ROBO1: variants seen among roughly 807,000 people sequenced by gnomAD.
ROBO1 encodes the protein roundabout homolog 1.
ROBO1 carries 149 observed loss-of-function variants against 195.9 expected under a neutral mutation model. The observed-to-expected ratio is 0.76, with a 90% confidence interval of 0.67 to 0.87. ROBO1 has a LOEUF of 0.87. ROBO1 is among the 40% of genes least tolerant of loss of function. ROBO1 has a pLI of 0.00. For synonymous variants in ROBO1, 816 were observed against 733.2 expected (o/e 1.11, Z -1.82); for missense variants, 1,933 against 2,068.3 (o/e 0.93, Z 1.27).
At chr3:79,597,685 T>C (rs1944221158) in intron 1 of ROBO1, among the ~76,000 whole-genome samples, 1 of 152,070 alleles carries the variant, frequency 6.6e-6, no homozygotes. Flanking sequence ...CTTTCTGACT[T>C]CACTTATATA....
At chr3:79,683,876 T>C (rs1485852154) in intron 1 of ROBO1, among the ~76,000 whole-genome samples, 1 of 152,164 alleles carries the variant, frequency 6.6e-6, no homozygotes, top group Non-Finnish European at 1.5e-5. Context: ...TTATTTCTAA[T>C]ATATTTTAAT....
At chr3:78,718,350 ATAACT>A (rs2081954388) in intron 5 of ROBO1, among the ~76,000 whole-genome samples, 2 of 152,184 alleles carry the variant, frequency 1.3e-5, no homozygotes, top group African/African-American at 2.4e-5. Flanking sequence ...AATGTCTCTA[ATAACT>A]TAATTTGCCA....
In ROBO1 at chr3:79,628,693, G is replaced by A. The variant is rs7628874; in HGVS notation, c.-50-38732C>T. ...AATGGCCTAAATGCTCCACTTAAAAGATATAAACTGGCCAATGGAATTAAA... is the reference window on the plus strand; with the variant it reads ...AATGGCCTAAATGCTCCACTTAAAAAATATAAACTGGCCAATGGAATTAAA... On this transcript the variant is annotated intron_variant, in intron 1 of 30. Coordinates refer to ENST00000464233, the MANE Select transcript of ROBO1 (RefSeq NM_002941.4). 2.3e-3 allele frequency among the ~76,000 whole-genome samples: 343 copies of A among 152,136 alleles called. 1 individual carries two copies. Among genetic ancestry groups the A allele is most frequent in the African/African-American group, 7.8e-3 (322 of 41,510 alleles).
intron 2 of ROBO1, among the ~76,000 whole-genome samples, chr3:79,532,524 T>C (rs964030797): frequency 2.0e-5 from 3 of 152,206 alleles, no homozygotes; most frequent in Non-Finnish European, 2.9e-5. Flanking sequence ...TGCTATTGAA[T>C]ATAAAATAGT....
At chr3:78,795,012 A>G (rs1036917172) in intron 4 of ROBO1, among the ~76,000 whole-genome samples, 1 of 152,188 alleles carries the variant, frequency 6.6e-6, no homozygotes, top group Non-Finnish European at 1.5e-5. Context: ...CATTTAACAG[A>G]AAATAATTCA....
At chr3:79,723,314 C>A (rs1385514415) in intron 1 of ROBO1, among the ~76,000 whole-genome samples, 3 of 152,162 alleles carry the variant, frequency 2.0e-5, no homozygotes, top group Non-Finnish European at 4.4e-5. Flanking sequence ...AACTCTCTGA[C>A]ATTTCTGCTG....
intron 3 of ROBO1, among the ~76,000 whole-genome samples, 185 bp downstream of exon 3, chr3:79,125,271 G>A (rs899216497): frequency 3.3e-5 from 5 of 152,138 alleles, no homozygotes; most frequent in African/African-American, 1.2e-4. Context: ...GTACATTTCT[G>A]TTCTTAAAAG....
At chr3:79,543,660 A>AT (rs1420116281) in intron 2 of ROBO1, among the ~76,000 whole-genome samples, 2 of 152,134 alleles carry the variant, frequency 1.3e-5, no homozygotes, top group Non-Finnish European at 2.9e-5. Flanking sequence ...GCATACATAC[A>AT]TTTTTTTCCT....
At chr3:79,414,101 A>G (rs761090779) in intron 2 of ROBO1, among the ~76,000 whole-genome samples, 5 of 152,076 alleles carry the variant, frequency 3.3e-5, no homozygotes. Flanking sequence ...TTATCTTCTC[A>G]GAGTTTCCCA....
At chr3:79,001,611 C>T (rs886288464) in intron 3 of ROBO1, among the ~76,000 whole-genome samples, 5 of 152,054 alleles carry the variant, frequency 3.3e-5, no homozygotes, top group African/African-American at 1.2e-4. Context: ...ACTTTTTCTG[C>T]CCATCTATAT....
At chr3:79,596,572 G>A (rs1024938057) in intron 1 of ROBO1, among the ~76,000 whole-genome samples, 4 of 152,034 alleles carry the variant, frequency 2.6e-5, no homozygotes, top group Non-Finnish European at 5.9e-5. Context: ...GTTTACCTAT[G>A]TATTAATCTA....
In ROBO1 at chr3:78,636,060, T is replaced by G; in HGVS notation, c.3086A>C (p.Asn1029Thr). ...YNNQLDNKQT[N>T]LMLPESTVYG... The stretch of plus-strand genomic sequence containing the variant: ...AACAGTTGACTCAGGGAGCATCAGA[T>G]TTGTTTGTTTGTTATCCAGTTGGTT... Residue 1029 changes from asparagine to threonine, a missense_variant, in exon 23 of 31, where the codon AAT becomes ACT. This residue lies in a region of ROBO1 where 1,737 missense variants were observed against 1,882.5 expected (regional missense o/e 0.92). Coordinates refer to ENST00000464233, the MANE Select transcript of ROBO1 (RefSeq NM_002941.4). 2 of 1,613,498 alleles carry G rather than the reference T, an allele frequency of 1.2e-6. No individual in the cohort carries two copies. Among genetic ancestry groups the G allele is most frequent in the South Asian group, 1.1e-5 (1 of 91,068 alleles).
At chr3:79,173,983 C>T (rs1221624501) in intron 2 of ROBO1, among the ~76,000 whole-genome samples, 2 of 152,116 alleles carry the variant, frequency 1.3e-5, no homozygotes, top group African/African-American at 4.8e-5. Flanking sequence ...TTGTGTCTGG[C>T]TCAGGGATTG....
At chr3:79,558,825 G>A (rs114484489) in intron 2 of ROBO1, among the ~76,000 whole-genome samples, 110 of 152,210 alleles carry the variant, frequency 7.2e-4, no homozygotes, top group African/African-American at 2.5e-3. Flanking sequence ...TTTTGACATA[G>A]CTGCATAATA....
chr3:78,680,977 T>G (rs1261198798), intron 10 of ROBO1, among the ~76,000 whole-genome samples: 1 of 151,508 alleles, frequency 6.6e-6, no homozygotes, highest in African/African-American at 2.4e-5. Context: ...ATGTGGCACA[T>G]ACACACCATG....
intron 2 of ROBO1, among the ~76,000 whole-genome samples, chr3:79,574,321 T>A (rs1943377148): frequency 6.6e-6 from 1 of 152,020 alleles, no homozygotes; most frequent in South Asian, 2.1e-4. Context: ...TCCACATTAC[T>A]ATCTGTTTGT....
chr3:78,946,864 G>T (rs1448069167), intron 3 of ROBO1, among the ~76,000 whole-genome samples: 2 of 152,058 alleles, frequency 1.3e-5, no homozygotes, highest in Admixed American at 1.3e-4. Flanking sequence ...AAAGGCAGGG[G>T]TTGCAATCCT....
intron 4 of ROBO1, among the ~76,000 whole-genome samples, chr3:78,884,656 G>A (rs199521596): frequency 0.15 from 9,163 of 60,498 alleles, 509 homozygotes; most frequent in African/African-American, 0.26. Context: ...AGAAAGGAAG[G>A]AAGGAAGGAA....
intron 16 of ROBO1, chr3:78,660,585 T>A (rs1359414716): frequency 6.4e-6 from 1 of 156,870 alleles, no homozygotes; most frequent in Non-Finnish European, 1.4e-5. Flanking sequence ...GTGATTTGTC[T>A]AGAACTGAGG....
Sources: allele counts gnomAD v4.1 joint callset (sites outside exome capture counted in the v4.1 genomes callset), GRCh38; gene constraint gnomAD v4.1.1; regional missense constraint gnomAD v4.1.1; transcripts MANE v1.5; gene names NCBI Gene and HGNC (gene_info 2026-07-23, HGNC 2026-07-21).